Variants in DNM3 observed in about 807,000 individuals in gnomAD.
DNM3 encodes dynamin 3, also known as dynamin-3.
In DNM3, 47 loss-of-function variants were observed where a neutral mutation model predicts 101.6. The observed-to-expected ratio is 0.46, with a 90% CI of 0.37 to 0.59. The LOEUF (loss-of-function observed/expected upper bound fraction) is 0.59, where lower values mean the gene tolerates loss of function less well. Among genes scored for constraint, DNM3 ranks in the 20% least tolerant of loss-of-function variants. The pLI is 0.00. For synonymous variants in DNM3, 385 were observed against 387.9 expected (o/e 0.99, Z 0.09); for missense variants, 849 against 1,085.7 (o/e 0.78, Z 3.06).
intron 10 of DNM3, among the ~76,000 whole-genome samples, chr1:172,051,588 T>C (rs1025899992): frequency 3.9e-5 from 6 of 152,194 alleles, no homozygotes; most frequent in African/African-American, 1.4e-4. Flanking sequence ...GATCACCCCC[T>C]TCATCCTCTT....
Position 172,042,079 on chromosome 1 carries a change from G to A in DNM3, c.1063G>A (p.Glu355Lys). 6.2e-7 allele frequency: 1 copy of A among 1,611,516 alleles called. No homozygotes were observed. The highest frequency in any genetic ancestry group is 8.5e-7 in the Non-Finnish European group (1 of 1,179,066). ...EGSGDQVDTLELSGGAKINRI... is the reference protein window; with the variant it reads ...EGSGDQVDTLKLSGGAKINRI... ...GTCAGGGGATCAAGTAGATACCCTG[G>A]AACTCTCAGGTGGTGCTAAAATCAA... Residue 355 changes from glutamate (E) to lysine (K), a missense_variant, in exon 8 of 21, where the codon GAA becomes AAA. Physicochemically the swap from Glu to Lys is moderately conservative, Grantham distance 56 (BLOSUM62 1). Around this residue, in one of 5 missense-constraint regions of DNM3, gnomAD observed 388 missense variants for 483.0 expected, o/e 0.80. Coordinates refer to ENST00000627582, the MANE Select transcript of DNM3 (RefSeq NM_015569.5).
chr1:171,942,124 G>T (rs943672714), intron 2 of DNM3, among the ~76,000 whole-genome samples: 2 of 151,362 alleles, frequency 1.3e-5, no homozygotes, highest in Non-Finnish European at 2.9e-5. Context: ...AGGTGGCTTG[G>T]GTATTTATTG....
In DNM3 at chr1:172,308,833, A is replaced by G; in HGVS notation, c.1875A>G (p.Lys625=). ...TAAGAGCTGGGGTCTATCCTGACAA[A>G]TCTGTAGTAAGTTGGATATATCTCT... ...SLLRAGVYPD[K]SVGNNKAEND... is the part of the protein sequence containing the mutation. The change falls in exon 16 of 21, where the codon AAA becomes AAG. Residue 625 remains lysine, a synonymous_variant. Coordinates refer to ENST00000627582, the MANE Select transcript of DNM3 (RefSeq NM_015569.5). 1 of 1,591,154 alleles carries G rather than the reference A, an allele frequency of 6.3e-7. No homozygotes were observed. The highest frequency in any genetic ancestry group is 1.7e-5 in the Admixed American group (1 of 58,742).
At chr1:172,051,282 G>A (rs1469503917) in intron 10 of DNM3, among the ~76,000 whole-genome samples, 3 of 152,046 alleles carry the variant, frequency 2.0e-5, no homozygotes, top group Non-Finnish European at 1.5e-5. Flanking sequence ...GGTGCCAGCT[G>A]TACCTGTTCC....
At chr1:171,859,884 G>A (rs538170258) in intron 1 of DNM3, among the ~76,000 whole-genome samples, 1 of 152,232 alleles carries the variant, frequency 6.6e-6, no homozygotes, top group African/African-American at 2.4e-5. Flanking sequence ...AGAAGGAACA[G>A]TATGTGCTAA....
At chr1:172,207,537 A>G (rs2060365534) in intron 14 of DNM3, among the ~76,000 whole-genome samples, 1 of 152,146 alleles carries the variant, frequency 6.6e-6, no homozygotes, top group Non-Finnish European at 1.5e-5. Flanking sequence ...GCAGGACATG[A>G]ACTCTGCTTT....
At chr1:172,213,084 T>C (rs2060568292) in intron 14 of DNM3, among the ~76,000 whole-genome samples, 1 of 151,486 alleles carries the variant, frequency 6.6e-6, no homozygotes, top group African/African-American at 2.5e-5. Context: ...TCCAGTGTTC[T>C]TTCTTCTCTT....
intron 20 of DNM3, among the ~76,000 whole-genome samples, chr1:172,398,057 C>G (rs908644715): frequency 6.6e-6 from 1 of 152,124 alleles, no homozygotes; most frequent in Admixed American, 6.5e-5. Context: ...ATTTATATTT[C>G]TTTTCTGTGG....
chr1:172,225,356 C>T (rs373785645), intron 14 of DNM3, among the ~76,000 whole-genome samples: 19 of 151,626 alleles, frequency 1.3e-4, no homozygotes, highest in East Asian at 1.2e-3. Context: ...AGGATGGTCT[C>T]GATCTCTTGA....
At position 172,387,202 on chromosome 1, in the gene DNM3, G is replaced by A; in HGVS notation, c.2128G>A (p.Glu710Lys). 6.2e-7 allele frequency: 1 copy of A among 1,613,976 alleles called. No homozygotes were observed. Among genetic ancestry groups the A allele is most frequent in the South Asian group, 1.1e-5 (1 of 91,080 alleles). The part of the protein sequence containing the change: ...YSSEDQNTLM[E>K]ESAEQAQRRD... Reference sequence around the variant, plus strand: ...TTCAGAGGACCAAAATACCCTGATGGAGGAATCTGCTGAGCAGGCTCAGCG... The same window carrying A: ...TTCAGAGGACCAAAATACCCTGATGAAGGAATCTGCTGAGCAGGCTCAGCG... The change falls in exon 19 of 21, where the codon GAG becomes AAG. Residue 710 changes from glutamate to lysine, a missense_variant. Physicochemically the swap from Glu to Lys is moderately conservative, Grantham distance 56. Around this residue, in one of 5 missense-constraint regions of DNM3, gnomAD observed 256 missense variants for 311.7 expected, o/e 0.82. Coordinates refer to ENST00000627582, the MANE Select transcript of DNM3 (RefSeq NM_015569.5).
chr1:172,163,908 TATATATGTATATATGCATGTGC>T, intron 14 of DNM3, among the ~76,000 whole-genome samples: 1 of 151,808 alleles, frequency 6.6e-6, no homozygotes, highest in Non-Finnish European at 1.5e-5. Context: ...TGCACATGTG[TATATATGTATATATGCATGTGC>T]ATATATACAC....
chr1:172,203,669 G>A (rs1244803363), intron 14 of DNM3, among the ~76,000 whole-genome samples: 6 of 151,666 alleles, frequency 4.0e-5, no homozygotes, highest in African/African-American at 1.2e-4. Flanking sequence ...AATAGGGTGT[G>A]TGTATTTATT....
At position 172,002,483 on chromosome 1, in the gene DNM3, G is replaced by A. The variant is rs919186282; in HGVS notation, c.589+13335G>A. ...TGCATTGGGCTTGAACAAGACAAAC[G>A]CTAAGTCATGTTATAATTCAGCTTG... is the stretch of plus-strand genomic sequence containing the variant. On this transcript the variant is annotated intron_variant, in intron 4 of 20. Coordinates refer to ENST00000627582, the MANE Select transcript of DNM3 (RefSeq NM_015569.5). 6.6e-5 allele frequency among the ~76,000 whole-genome samples: 10 copies of A among 152,044 alleles called. 1 individual carries two copies. The South Asian group carries it at 1.4e-3, about 22-fold the overall frequency.
chr1:172,011,232 A>G (rs1426325358), intron 4 of DNM3, among the ~76,000 whole-genome samples: 5 of 151,908 alleles, frequency 3.3e-5, no homozygotes, highest in Admixed American at 3.3e-4. Context: ...AATGATTCCC[A>G]TCCCTTTGTG....
chr1:172,075,213 C>T (rs1192626392), intron 11 of DNM3, among the ~76,000 whole-genome samples: 1 of 151,640 alleles, frequency 6.6e-6, no homozygotes, highest in Non-Finnish European at 1.5e-5. Flanking sequence ...GGATATTAGC[C>T]CTTTGTCAGA....
At chr1:172,234,086 A>C (rs1461216079) in intron 14 of DNM3, among the ~76,000 whole-genome samples, 3 of 152,184 alleles carry the variant, frequency 2.0e-5, no homozygotes, top group Non-Finnish European at 2.9e-5. Context: ...AATTAGGAAA[A>C]GAGGAAGTCA....
At chr1:172,156,643 A>G (rs187500365) in intron 14 of DNM3, among the ~76,000 whole-genome samples, 2 of 152,108 alleles carry the variant, frequency 1.3e-5, no homozygotes, top group African/African-American at 4.8e-5. Context: ...TTTTTCTGGA[A>G]GAGAAAAATT....
At chr1:172,029,476 T>C (rs2048447913) in intron 4 of DNM3, among the ~76,000 whole-genome samples, 1 of 152,136 alleles carries the variant, frequency 6.6e-6, no homozygotes, top group Admixed American at 6.6e-5. Flanking sequence ...GCTGGAAGAA[T>C]TCCCTTTGAA....
intron 2 of DNM3, among the ~76,000 whole-genome samples, chr1:171,980,026 A>G (rs913530114): frequency 1.3e-5 from 2 of 151,948 alleles, no homozygotes; most frequent in African/African-American, 4.8e-5. Context: ...TTTGTCTTTT[A>G]TGAAATCTTG....
Sources: allele counts gnomAD v4.1 joint callset (sites outside exome capture counted in the v4.1 genomes callset), GRCh38; gene constraint gnomAD v4.1.1; regional missense constraint gnomAD v4.1.1; transcripts MANE v1.5; gene names NCBI Gene and HGNC (gene_info 2026-07-23, HGNC 2026-07-21).